Variants in PLEKHG4B observed in about 807,000 individuals in gnomAD.
The protein encoded by PLEKHG4B is pleckstrin homology domain-containing family G member 4B.
Under a neutral mutation model 121.3 loss-of-function variants are expected in PLEKHG4B, and 111 were observed. That is an observed-to-expected ratio of 0.92 (90% CI 0.78 to 1.07). PLEKHG4B has a LOEUF of 1.07. PLEKHG4B is among the 50% of genes least tolerant of loss of function. The pLI is 0.00. For synonymous variants in PLEKHG4B, 738 were observed against 725.0 expected (o/e 1.02, Z -0.29); for missense variants, 1,831 against 1,757.8 (o/e 1.04, Z -0.74).
In PLEKHG4B at chr5:101,830, A is replaced by G. The variant is rs374814294; in HGVS notation, c.45+9554A>G. Among the ~76,000 whole-genome samples the G allele has an allele frequency of 8.2e-3, 644 of 78,240 alleles. 7 individuals are homozygous for G. Among genetic ancestry groups the G allele is most frequent in the Non-Finnish European group, 9.0e-3 (387 of 43,160 alleles). The allele number at this position is 78,240 out of a possible 152,430, so 51.3% of individuals were successfully genotyped here. A position where few individuals can be genotyped will look rare whatever the true frequency, so the allele number is the denominator to read the frequency against. On this transcript the variant is annotated intron_variant, in intron 1 of 19. Coordinates refer to ENST00000637938, the MANE Select transcript of PLEKHG4B (RefSeq NM_052909.5). The stretch of plus-strand genomic sequence containing the variant: ...CCATATAAAGCCCTGGAGAAAGTCT[A>G]TAGGGGAGAGACTGTTGTGAGGTTA...
At chr5:104,183 A>G (rs888970650) in intron 1 of PLEKHG4B, among the ~76,000 whole-genome samples, 11 of 146,058 alleles carry the variant, frequency 7.5e-5, no homozygotes, top group African/African-American at 2.3e-4. Context: ...CCCAGCACCG[A>G]TTCCTAAACA....
In PLEKHG4B at chr5:113,378, G is replaced by C. The variant is rs1734214748; in HGVS notation, c.173G>C (p.Gly58Ala). 1.3e-5 allele frequency: 5 copies of C among 399,086 alleles called. No homozygotes were observed. In the South Asian group the frequency reaches 6.4e-4, roughly 51 times the overall value. The allele number at this position is 399,086 out of a possible 1,614,324, so 24.7% of individuals were successfully genotyped here. Residue 58 changes from glycine to alanine, a missense_variant, in exon 2 of 20, where the codon GGG becomes GCG. Gly to Ala is a moderately conservative substitution (Grantham distance 60). Transcript: ENST00000637938. The surrounding 1 kb of genome is among the most constrained non-coding windows in gnomAD (Gnocchi z 5.2). ...SVAERCHGGD[G>A]LHCLTSFLLP... The stretch of plus-strand genomic sequence containing the variant: ...GCCGAGAGGTGCCACGGTGGGGACG[G>C]GCTGCACTGCCTCACCAGCTTCCTC...
intron 2 of PLEKHG4B, among the ~76,000 whole-genome samples, chr5:121,889 T>C (rs1734480833): frequency 6.6e-6 from 1 of 150,608 alleles, no homozygotes; most frequent in Non-Finnish European, 1.5e-5. Flanking sequence ...TGATACTAGA[T>C]AGGTGAAGGG....
intron 13 of PLEKHG4B, among the ~76,000 whole-genome samples, chr5:165,139 C>T (rs548791271): frequency 3.6e-5 from 3 of 82,718 alleles, no homozygotes; most frequent in South Asian, 5.8e-4. Context: ...AATGCTGTGA[C>T]GGGGCGGAGC....
chr5:181,703 C>T (rs778960840), intron 19 of PLEKHG4B, 28 bp downstream of exon 19: 2 of 1,601,658 alleles, frequency 1.2e-6, no homozygotes, highest in Admixed American at 3.4e-5. Context: ...CGCCCTCACT[C>T]ACCCTGCAGA....
At position 165,553 on chromosome 5, in the gene PLEKHG4B, C is replaced by G. The variant is rs1280545567; in HGVS notation, c.3476+2005C>G. Among the ~76,000 whole-genome samples the G allele has an allele frequency of 2.6e-3, 77 of 29,628 alleles. 2 individuals are homozygous for G. The highest frequency in any genetic ancestry group is 4.8e-3 in the Non-Finnish European group (59 of 12,408). 19.4% of individuals were successfully genotyped at this position (29,628 alleles called of 152,430 possible). On this transcript the variant is annotated intron_variant, in intron 13 of 19. Coordinates refer to ENST00000637938, the MANE Select transcript of PLEKHG4B (RefSeq NM_052909.5). ...ACGGGGCGGGGCTCACACTAATGCT[C>G]TGACGGGGCGGGGCTCACAGTAATC...
chr5:126,752 C>A (rs969074996), intron 2 of PLEKHG4B, among the ~76,000 whole-genome samples: 1 of 151,984 alleles, frequency 6.6e-6, no homozygotes, highest in South Asian at 2.1e-4. Flanking sequence ...AGGACATGGA[C>A]GCACATGAGG....
rs562830849 is a variant in PLEKHG4B, at chr5:176,049, T to C, written c.4402+1951T>C. Among the ~76,000 whole-genome samples, 174 of 114,472 alleles carry C rather than the reference T, an allele frequency of 1.5e-3. 23 individuals carry two copies. The highest frequency in any genetic ancestry group is 4.3e-3 in the African/African-American group (156 of 36,550). The allele number at this position is 114,472 out of a possible 152,430, so 75.1% of individuals were successfully genotyped here. A position where few individuals can be genotyped will look rare whatever the true frequency, so the allele number is the denominator to read the frequency against. On this transcript the variant is annotated intron_variant, in intron 18 of 19. Transcript: ENST00000637938. Reference sequence around the variant, plus strand: ...ACCCCCTCCAGGTGAAGCCACCACCTCCCCACCGGCCCCTGAAACACTCCG... The same window carrying C: ...ACCCCCTCCAGGTGAAGCCACCACCCCCCCACCGGCCCCTGAAACACTCCG...
At chr5:171,866 G>A (rs545703223) in intron 16 of PLEKHG4B, among the ~76,000 whole-genome samples, 6 of 152,190 alleles carry the variant, frequency 3.9e-5, no homozygotes, top group Admixed American at 6.5e-5. Context: ...TCGTTCATAC[G>A]GGCCCGCGGC....
In PLEKHG4B at chr5:163,140, G is replaced by A. The variant is rs1168765308; in HGVS notation, c.3068G>A (p.Gly1023Glu). The A allele has an allele frequency of 6.4e-7, 1 of 1,556,526 alleles. No individual in the cohort carries two copies. Among genetic ancestry groups the A allele is most frequent in the South Asian group, 1.2e-5 (1 of 82,064 alleles). Reference protein sequence around the residue: ...PGRALLCGQDGETLRPGLCAL... With the variant: ...PGRALLCGQDEETLRPGLCAL... ...CGAGCGCTTCTGTGTGGACAGGACG[G>A]GGAGACCCTGCGCCCAGGGCTGTGT... The change falls in exon 13 of 20, where the codon GGG becomes GAG. Residue 1023 changes from glycine to glutamate, a missense_variant. Transcript: ENST00000637938.
chr5:140,233 A>G lies in PLEKHG4B; in HGVS notation c.994A>G (p.Ile332Val), dbSNP rs1735114952. ...KALTFHTDLGIPSSRRRPPGD... is the reference protein window; with the variant it reads ...KALTFHTDLGVPSSRRRPPGD... The stretch of plus-strand genomic sequence containing the variant: ...CCTCACCTTCCACACAGACCTGGGC[A>G]TCCCGAGCAGCAGGAGGCGGCCGCC... Residue 332 changes from isoleucine to valine, a missense_variant, in exon 3 of 20, where the codon ATC (isoleucine) becomes GTC (valine). Transcript: ENST00000637938. 7.1e-7 allele frequency: 1 copy of G among 1,417,496 alleles called. No homozygotes were observed. The allele number at this position is 1,417,496 out of a possible 1,614,324, so 87.8% of individuals were successfully genotyped here.
intron 18 of PLEKHG4B, among the ~76,000 whole-genome samples, chr5:175,006 G>A (rs535603351): frequency 1.3e-5 from 2 of 152,184 alleles, no homozygotes; most frequent in African/African-American, 4.8e-5. Context: ...GGGGCTCCTC[G>A]GTCAGCACTT....
At chr5:142,781 T>A (rs964119566) in intron 3 of PLEKHG4B, among the ~76,000 whole-genome samples, 4 of 152,218 alleles carry the variant, frequency 2.6e-5, no homozygotes, top group African/African-American at 9.6e-5. Flanking sequence ...GATGACCTGT[T>A]CCTCCTGAGG....
chr5:118,664 G>A (rs536376755), intron 2 of PLEKHG4B, among the ~76,000 whole-genome samples: 1 of 152,242 alleles, frequency 6.6e-6, no homozygotes, highest in East Asian at 1.9e-4. Context: ...AATCTTAAAT[G>A]TTCATAATAG....
chr5:139,020 G>T lies in PLEKHG4B; in HGVS notation c.244-463G>T, dbSNP rs938362134. Among the ~76,000 whole-genome samples the T allele has an allele frequency of 6.6e-6, 1 of 152,214 alleles. No homozygotes were observed. Among genetic ancestry groups the T allele is most frequent in the Non-Finnish European group, 1.5e-5 (1 of 68,030 alleles). The stretch of plus-strand genomic sequence containing the variant: ...CCCTCGCTAAGGAGGCCGAGGTAGC[G>T]CCTGCAGCAGCCGGGAGCCACAGGG... On this transcript the variant is annotated intron_variant, in intron 2 of 19. Coordinates refer to ENST00000637938, the MANE Select transcript of PLEKHG4B (RefSeq NM_052909.5). The surrounding 1 kb of genome is among the most constrained non-coding windows in gnomAD (Gnocchi z 5.0).
In PLEKHG4B at chr5:140,586, G is replaced by A. The variant is rs1174929543; in HGVS notation, c.1347G>A (p.Gly449=). The A allele has an allele frequency of 6.2e-7, 1 of 1,609,578 alleles. No individual in the cohort carries two copies. Among genetic ancestry groups the A allele is most frequent in the Non-Finnish European group, 8.5e-7 (1 of 1,178,506 alleles). ...AAAGGGCACCCAGAAGCTCCAGAGG[G>A]GCCCAGGCTGCAGCCTGCCACACCT... is the stretch of plus-strand genomic sequence containing the variant. ...SWERAPRSSR[G]AQAAACHTSH... Residue 449 remains glycine (G), a synonymous_variant, in exon 3 of 20, where the codon GGG becomes GGA. Transcript: ENST00000637938.
At chr5:108,292 G>C (rs1400720698) in intron 1 of PLEKHG4B, among the ~76,000 whole-genome samples, 1 of 152,208 alleles carries the variant, frequency 6.6e-6, no homozygotes, top group African/African-American at 2.4e-5. Context: ...ACCCAGAGAG[G>C]CAAGGCACAC....
chr5:165,114 C>T (rs1471924395), intron 13 of PLEKHG4B, among the ~76,000 whole-genome samples: 1 of 67,816 alleles, frequency 1.5e-5, no homozygotes, highest in African/African-American at 6.2e-5. Flanking sequence ...TGTGACGGGG[C>T]GGAGCTCACA....
At chr5:133,539 C>T (rs796494997) in intron 2 of PLEKHG4B, among the ~76,000 whole-genome samples, 2 of 152,016 alleles carry the variant, frequency 1.3e-5, no homozygotes, top group South Asian at 4.2e-4. Context: ...AAATGTTCAA[C>T]ATCACTAATT....
Sources: allele counts gnomAD v4.1 joint callset (sites outside exome capture counted in the v4.1 genomes callset), GRCh38; gene constraint gnomAD v4.1.1; non-coding constraint Gnocchi (gnomAD v3.1); transcripts MANE v1.5; gene names NCBI Gene and HGNC (gene_info 2026-07-23, HGNC 2026-07-21).